The following PARP11 variants were observed in gnomAD, a reference collection of about 807,000 sequenced individuals.
The protein encoded by PARP11 is protein mono-ADP-ribosyltransferase PARP11.
A neutral mutation model predicts 42.9 loss-of-function variants in PARP11; 31 were observed. The ratio of observed to expected loss-of-function variants is 0.72; its 90% CI spans 0.54 to 0.98. PARP11 has a LOEUF of 0.98. PARP11 is among the 50% of genes least tolerant of loss of function. The pLI, the probability that PARP11 is intolerant of heterozygous loss-of-function variation, is 0.00. For missense variants in PARP11, 365 were observed against 413.1 expected (o/e 0.88, Z 1.01); for synonymous variants, 137 against 127.3 (o/e 1.08, Z -0.51).
chr12:3,872,080 G>A (rs1024953988), intron 1 of PARP11: 1 of 152,194 alleles, frequency 6.6e-6, no homozygotes, highest in Non-Finnish European at 1.5e-5. Context: ...TACCTTGCCT[G>A]ATAGTAGGTC....
chr12:3,836,898 T>C (rs1190884868), intron 1 of PARP11, among the ~76,000 whole-genome samples: 2 of 152,170 alleles, frequency 1.3e-5, no homozygotes, highest in Non-Finnish European at 2.9e-5. Flanking sequence ...TCATGATTTC[T>C]ACACTGGAAA....
chr12:3,839,132 G>C (rs561878535), intron 1 of PARP11, among the ~76,000 whole-genome samples: 1 of 150,630 alleles, frequency 6.6e-6, no homozygotes, highest in East Asian at 1.9e-4. Flanking sequence ...CGCGCCCGGA[G>C]AGCGCGGACC....
chr12:3,867,332 G>A (rs1205158960), intron 1 of PARP11, among the ~76,000 whole-genome samples: 1 of 152,172 alleles, frequency 6.6e-6, no homozygotes, highest in Non-Finnish European at 1.5e-5. Flanking sequence ...GGAAATGGCA[G>A]CGTTTGCAAG....
chr12:3,813,299 T>C (rs914220276), intron 7 of PARP11, among the ~76,000 whole-genome samples: 3 of 152,202 alleles, frequency 2.0e-5, no homozygotes, highest in Non-Finnish European at 4.4e-5. Context: ...CTGGAAACAA[T>C]AGAATCCCAT....
At chr12:3,845,906 T>C (rs926295472) in intron 1 of PARP11, among the ~76,000 whole-genome samples, 6 of 152,170 alleles carry the variant, frequency 3.9e-5, no homozygotes, top group Admixed American at 1.3e-4. Flanking sequence ...AACTTTGGGG[T>C]TGAACTTACT....
At chr12:3,814,378 C>A (rs1360466368) in intron 6 of PARP11, among the ~76,000 whole-genome samples, 190 bp from the exon 7 acceptor site, 1 of 152,142 alleles carries the variant, frequency 6.6e-6, no homozygotes, top group Non-Finnish European at 1.5e-5. Flanking sequence ...ATCATCTCAT[C>A]AAAAATTATT....
rs1316997811 is a variant in PARP11, at chr12:3,822,154, G to A, written c.348C>T (p.Tyr116=). The A allele has an allele frequency of 6.2e-7, 1 of 1,612,510 alleles. No homozygotes were observed. The highest frequency in any genetic ancestry group is 1.7e-5 in the Admixed American group (1 of 59,970). The change falls in exon 5 of 8, where the codon TAC becomes TAT. Residue 116 remains tyrosine (Y), a synonymous_variant. Transcript: ENST00000228820. ...TAGGGATGGCCTCGTTTTCACAGAT[G>A]TAACTTGAAACAGCAAAAGAGAAAA... ...RAPFSISAFS[Y]ICENEAIPMP... is the part of the protein sequence containing the mutation.
chr12:3,866,855 ATATATTATCATGC>A (rs11275972), intron 1 of PARP11, among the ~76,000 whole-genome samples: 38,912 of 152,054 alleles, frequency 0.26, 5,832 homozygotes, highest in East Asian at 0.55. Context: ...ACTGGATGTC[ATATATTATCATGC>A]TATATTATCA....
intron 6 of PARP11, among the ~76,000 whole-genome samples, chr12:3,816,296 C>T (rs141701204): frequency 9.8e-4 from 149 of 152,304 alleles, no homozygotes; most frequent in Admixed American, 2.9e-3. Flanking sequence ...AATAAGCTAC[C>T]CCTTCTAGTT....
Position 3,810,739 on chromosome 12 carries a change from G to A in PARP11, c.*1384C>T, listed in dbSNP as rs926553181. The A allele has an allele frequency of 6.2e-5, 8 of 129,662 alleles. No homozygotes were observed. Among genetic ancestry groups the A allele is most frequent in the Admixed American group, 2.5e-4 (3 of 12,176 alleles). 8.0% of individuals were successfully genotyped at this position (129,662 alleles called of 1,614,324 possible). A position where few individuals can be genotyped will look rare whatever the true frequency, so the allele number is the denominator to read the frequency against. On this transcript the variant is annotated 3_prime_UTR_variant, in exon 8 of 8. Coordinates refer to ENST00000228820, the MANE Select transcript of PARP11 (RefSeq NM_020367.6). ...AGAAGAGAAAGAGAAAGAGAAAGAG[G>A]AAGAGAAAAAGGAAGAGAGAGAAAG...
At chr12:3,817,007 T>C (rs371141716) in intron 6 of PARP11, among the ~76,000 whole-genome samples, 3 of 152,024 alleles carry the variant, frequency 2.0e-5, no homozygotes, top group Non-Finnish European at 4.4e-5. Flanking sequence ...CTAGCTAACA[T>C]GGTGAAACCC....
chr12:3,829,949 ACGTGTCCATGT>A lies in PARP11; in HGVS notation c.77_87del (p.Asp26ValfsTer30). The A allele has an allele frequency of 1.9e-6, 3 of 1,613,872 alleles. No individual in the cohort carries two copies. The highest frequency in any genetic ancestry group is 2.5e-6 in the Non-Finnish European group (3 of 1,179,738). ...TAAAACCAGCCCCACTGGGTATCTG[ACGTGTCCATGT>A]CATCCACTTCATTGTTTGTTGTTTT... On this transcript the variant is annotated frameshift_variant, in exon 2 of 8. Transcript: ENST00000228820. LOFTEE classifies it high-confidence loss of function.
Position 3,840,283 on chromosome 12 carries a change from C to G in PARP11, c.19-10265G>C. The G allele has an allele frequency of 1.2e-6, 2 of 1,613,992 alleles. No homozygotes were observed. Among genetic ancestry groups the G allele is most frequent in the South Asian group, 2.2e-5 (2 of 91,078 alleles). The stretch of plus-strand genomic sequence containing the variant: ...ACTGGGAAAGTACACATCAAAGAAC[C>G]TCAAGGCACCTCCCCCAGAAAGCTG... On this transcript the variant is annotated intron_variant, in intron 1 of 7. Transcript: ENST00000228820. This position sits in a 1 kb window ranked among gnomAD's most constrained non-coding sequence, Gnocchi z 4.4.
intron 1 of PARP11, among the ~76,000 whole-genome samples, chr12:3,838,929 G>A (rs903715710): frequency 2.6e-5 from 4 of 152,140 alleles, no homozygotes; most frequent in African/African-American, 9.7e-5. Flanking sequence ...GCTTCACACC[G>A]GTACAGACGA....
chr12:3,815,432 A>G (rs1381525468), intron 6 of PARP11, among the ~76,000 whole-genome samples: 1 of 152,210 alleles, frequency 6.6e-6, no homozygotes, highest in African/African-American at 2.4e-5. Flanking sequence ...ACACAAAACA[A>G]CATTGCAAAT....
intron 1 of PARP11, among the ~76,000 whole-genome samples, chr12:3,838,435 G>C (rs1947808124): frequency 6.6e-6 from 1 of 151,928 alleles, no homozygotes; most frequent in Non-Finnish European, 1.5e-5. Flanking sequence ...CAAAATCTAT[G>C]GGATACAACA....
chr12:3,813,942 T>C, intron 7 of PARP11, 95 bp downstream of exon 7: 1 of 815,350 alleles, frequency 1.2e-6, no homozygotes, highest in Non-Finnish European at 1.8e-6. Context: ...CTCTATATAT[T>C]TGCCATAAAG....
chr12:3,827,186 C>T (rs1015018207), intron 3 of PARP11, among the ~76,000 whole-genome samples: 1 of 152,168 alleles, frequency 6.6e-6, no homozygotes, highest in African/African-American at 2.4e-5. Flanking sequence ...TGGCTAGTGG[C>T]AGAATGGTTG....
intron 1 of PARP11, among the ~76,000 whole-genome samples, chr12:3,843,082 C>G (rs1310124680): frequency 1.3e-5 from 2 of 152,180 alleles, no homozygotes; most frequent in Admixed American, 6.5e-5. Flanking sequence ...ATCTGTCAAA[C>G]TTGAATAATG....
Sources: allele counts gnomAD v4.1 joint callset (sites outside exome capture counted in the v4.1 genomes callset), GRCh38; gene constraint gnomAD v4.1.1; non-coding constraint Gnocchi (gnomAD v3.1); transcripts MANE v1.5; gene names NCBI Gene and HGNC (gene_info 2026-07-23, HGNC 2026-07-21).